NRCAM: variants seen among roughly 807,000 people sequenced by gnomAD.
NRCAM encodes the protein NgCAM-related cell adhesion molecule.
A neutral mutation model predicts 156.5 loss-of-function variants in NRCAM; 83 were observed. The observed-to-expected ratio is 0.53, with a 90% CI of 0.44 to 0.64. The LOEUF is 0.64. Among genes scored for constraint, NRCAM ranks in the 30% least tolerant of loss-of-function variants. The pLI is 0.00. For missense variants in NRCAM, 1,417 were observed against 1,597.3 expected, an observed-to-expected ratio of 0.89 and a Z score of 1.92; for synonymous variants, 538 against 563.9, an observed-to-expected ratio of 0.95 and a Z score of 0.65.
intron 1 of NRCAM, among the ~76,000 whole-genome samples, chr7:108,441,855 A>C (rs1047631681): frequency 2.0e-5 from 3 of 152,250 alleles, no homozygotes; most frequent in African/African-American, 7.2e-5. Flanking sequence ...TGGAGATATC[A>C]AATAGCCTAA....
chr7:108,415,763 T>A (rs1165763563), intron 1 of NRCAM, among the ~76,000 whole-genome samples: 1 of 152,144 alleles, frequency 6.6e-6, no homozygotes, highest in Non-Finnish European at 1.5e-5. Flanking sequence ...GCACCTGTAA[T>A]CCCAGCTACT....
chr7:108,149,857 G>T lies in NRCAM; in HGVS notation c.*53C>A. 1 of 1,439,408 alleles carries T rather than the reference G, an allele frequency of 6.9e-7. No homozygotes were observed. The highest frequency in any genetic ancestry group is 1.3e-5 in the South Asian group (1 of 78,074). The allele number at this position is 1,439,408 out of a possible 1,614,324, so 89.2% of individuals were successfully genotyped here. ...ATAGTATGAGAGGGCTGACAAACAA[G>T]TGCTTAGGATAAACATTCTAGAGAA... On this transcript the variant is annotated 3_prime_UTR_variant, in exon 33 of 33. Transcript: ENST00000379028.
chr7:108,237,091 T>C (rs1272279058), intron 5 of NRCAM, among the ~76,000 whole-genome samples: 3 of 152,184 alleles, frequency 2.0e-5, no homozygotes, highest in Non-Finnish European at 2.9e-5. Flanking sequence ...TCCTGGTTAA[T>C]CTAACATCAA....
At position 108,330,080 on chromosome 7, in the gene NRCAM, C is replaced by T. The variant is rs564414832; in HGVS notation, c.-173-17349G>A. On this transcript the variant is annotated intron_variant, in intron 2 of 32. Transcript: ENST00000379028. ...CAACACACATGACTGATTACAGAAA[C>T]CAGGTTAGACACTATGATTTATAGT... 5.9e-5 allele frequency among the ~76,000 whole-genome samples: 9 copies of T among 152,248 alleles called. No individual in the cohort carries two copies. The South Asian group carries it at 1.7e-3, about 28-fold the overall frequency.
At chr7:108,233,735 T>G (rs1364584926) in intron 6 of NRCAM, among the ~76,000 whole-genome samples, 1 of 152,176 alleles carries the variant, frequency 6.6e-6, no homozygotes, top group Admixed American at 6.6e-5. Flanking sequence ...AGGTCTGTAA[T>G]AGACAAACCT....
intron 3 of NRCAM, among the ~76,000 whole-genome samples, chr7:108,241,968 G>A (rs1041973036): frequency 6.6e-6 from 1 of 152,044 alleles, no homozygotes; most frequent in Non-Finnish European, 1.5e-5. Flanking sequence ...GACACTTCTT[G>A]CAAAACAAAT....
intron 11 of NRCAM, among the ~76,000 whole-genome samples, chr7:108,213,496 C>G (rs1409263673): frequency 1.3e-5 from 2 of 152,116 alleles, no homozygotes; most frequent in Non-Finnish European, 2.9e-5. Flanking sequence ...AAGAACTCAC[C>G]ACCAACTATC....
At chr7:108,182,979 C>G (rs911080418) in intron 22 of NRCAM, 59 bp from the exon 23 acceptor site, 3 of 1,354,308 alleles carry the variant, frequency 2.2e-6, no homozygotes, top group Non-Finnish European at 2.1e-6. Flanking sequence ...CAATCTTTTA[C>G]AGGAACAGCA....
At chr7:108,379,077 T>G (rs1390843316) in intron 2 of NRCAM, among the ~76,000 whole-genome samples, 2 of 152,024 alleles carry the variant, frequency 1.3e-5, no homozygotes, top group African/African-American at 2.4e-5. Context: ...TCTCAGGATT[T>G]CAAAATACTA....
chr7:108,274,252 G>A (rs138458477), intron 3 of NRCAM, among the ~76,000 whole-genome samples: 2,476 of 152,260 alleles, frequency 0.016, 64 homozygotes, highest in African/African-American at 0.057. Context: ...GAAATTTAAA[G>A]TAGTTTTTTC....
intron 2 of NRCAM, among the ~76,000 whole-genome samples, chr7:108,357,809 A>G (rs1020268655): frequency 2.6e-5 from 4 of 152,210 alleles, no homozygotes; most frequent in Non-Finnish European, 4.4e-5. Flanking sequence ...TATTTCTAAC[A>G]AAAACAGTTT....
At chr7:108,309,782 G>A (rs1375383573) in intron 3 of NRCAM, among the ~76,000 whole-genome samples, 2 of 152,116 alleles carry the variant, frequency 1.3e-5, no homozygotes, top group Non-Finnish European at 2.9e-5. Context: ...ACTTGAACCC[G>A]GGAGGTGGAG....
intron 2 of NRCAM, among the ~76,000 whole-genome samples, chr7:108,335,461 A>ATTTTTTTTTTTTTTGTTT (rs2099173387): frequency 1.2e-4 from 3 of 25,554 alleles, no homozygotes; most frequent in South Asian, 3.4e-3. Flanking sequence ...TTTTTTTTTC[A>ATTTTTTTTTTTTTTGTTT]GTTTTCACTG....
intron 30 of NRCAM, among the ~76,000 whole-genome samples, chr7:108,164,418 G>C (rs2052252874): frequency 6.6e-6 from 1 of 152,134 alleles, no homozygotes. Flanking sequence ...TATAGATAAA[G>C]TTGAGTCCAG....
chr7:108,231,883 A>G (rs950894772), intron 7 of NRCAM, among the ~76,000 whole-genome samples: 1 of 152,156 alleles, frequency 6.6e-6, no homozygotes, highest in African/African-American at 2.4e-5. Flanking sequence ...CATTGCAAAA[A>G]GAGCCTTAAT....
chr7:108,448,200 T>C (rs998192578), intron 1 of NRCAM, among the ~76,000 whole-genome samples: 2 of 152,254 alleles, frequency 1.3e-5, no homozygotes, highest in Non-Finnish European at 2.9e-5. Flanking sequence ...ATATCATGAT[T>C]CATGTAAAAC....
At chr7:108,226,148 A>G in intron 9 of NRCAM, 60 bp downstream of exon 9, 3 of 1,221,362 alleles carry the variant, frequency 2.5e-6, no homozygotes, top group Admixed American at 2.2e-5. Context: ...AATAGTTTCT[A>G]TATTTTGCAC....
chr7:108,176,486 G>A lies in NRCAM; in HGVS notation c.3095C>T (p.Thr1032Ile). 2 of 1,613,610 alleles carry A rather than the reference G, an allele frequency of 1.2e-6. No homozygotes were observed. Among genetic ancestry groups the A allele is most frequent in the Non-Finnish European group, 1.7e-6 (2 of 1,179,822 alleles). ...TRYKFYFYAQTSAGSGSQITE... is the reference protein window; with the variant it reads ...TRYKFYFYAQISAGSGSQITE... Reference sequence around the variant, plus strand: ...AATTTGACTTCCTGATCCTGCTGATGTTTGTGCATAGAAATAAAACTTATA... The same window carrying A: ...AATTTGACTTCCTGATCCTGCTGATATTTGTGCATAGAAATAAAACTTATA... The change falls in exon 27 of 33, where the codon ACA becomes ATA. Residue 1032 changes from threonine to isoleucine, a missense_variant. Physicochemically the swap from Thr to Ile is moderately conservative, Grantham distance 89 (BLOSUM62 -1). This residue lies in a region of NRCAM where 1,238 missense variants were observed against 1,336.4 expected (regional missense o/e 0.93). Transcript: ENST00000379028.
rs373708631 is a variant in NRCAM, at chr7:108,433,786, G to C, written c.-332+22457C>G. On this transcript the variant is annotated intron_variant, in intron 1 of 32. Coordinates refer to ENST00000379028, the MANE Select transcript of NRCAM (RefSeq NM_001037132.4). ...ATGCCAGCACCAAGCTTCTTGTATA[G>C]CCTGCAGAACCGTGAGCCAAATAAA... Among the ~76,000 whole-genome samples the C allele has an allele frequency of 2.6e-5, 4 of 152,306 alleles. No individual in the cohort carries two copies. The South Asian group carries it at 6.2e-4, about 24-fold the overall frequency.
Sources: allele counts gnomAD v4.1 joint callset (sites outside exome capture counted in the v4.1 genomes callset), GRCh38; gene constraint gnomAD v4.1.1; regional missense constraint gnomAD v4.1.1; transcripts MANE v1.5; gene names NCBI Gene and HGNC (gene_info 2026-07-23, HGNC 2026-07-21).